The following FBLN1 variants were observed in gnomAD, a reference collection of about 807,000 sequenced individuals.
The protein encoded by FBLN1 is fibulin 1.
A neutral mutation model predicts 89.7 loss-of-function variants in FBLN1; 34 were observed. The observed-to-expected ratio is 0.38, with a 90% CI of 0.29 to 0.50. FBLN1 has a LOEUF of 0.50. Ranked by LOEUF, FBLN1 falls within the 20% of genes least tolerant of loss-of-function variation. The probability of loss-of-function intolerance (pLI) is 0.92; values close to 1 mark genes in which losing one functional copy is unlikely to be tolerated. For missense variants in FBLN1, 777 were observed against 988.1 expected, an observed-to-expected ratio of 0.79 and a Z score of 2.86; for synonymous variants, 393 against 391.3, an observed-to-expected ratio of 1.00 and a Z score of -0.05.
rs889704252 is a variant in FBLN1, at chr22:45,562,679, G to A, written c.1698-11832G>A. On this transcript the variant is annotated intron_variant, in intron 14 of 16. Coordinates refer to ENST00000327858, the MANE Select transcript of FBLN1 (RefSeq NM_006486.3). The surrounding 1 kb of genome is among the most constrained non-coding windows in gnomAD (Gnocchi z 7.8). ...ACTCCGGGCACAGCCTTTGGCCCCC[G>A]GCCACCCAGCGCCCGAGATGGTGTT... 2.0e-5 allele frequency among the ~76,000 whole-genome samples: 3 copies of A among 152,238 alleles called. No homozygotes were observed. Among genetic ancestry groups the A allele is most frequent in the Middle Eastern group, 3.2e-3 (1 of 316 alleles).
intron 2 of FBLN1, among the ~76,000 whole-genome samples, chr22:45,521,592 AC>A (rs1454985129): frequency 1.3e-5 from 2 of 152,170 alleles, no homozygotes; most frequent in African/African-American, 4.8e-5. Flanking sequence ...TCCAAACCCC[AC>A]GCAGCCTGTG....
rs1323849203 is a variant in FBLN1, at chr22:45,583,106, G to A, written c.1972+5998G>A. Among the ~76,000 whole-genome samples, 4 of 152,136 alleles carry A rather than the reference G, an allele frequency of 2.6e-5. No homozygotes were observed. The highest frequency in any genetic ancestry group is 5.9e-5 in the Non-Finnish European group (4 of 68,024). On this transcript the variant is annotated intron_variant, in intron 16 of 16. Transcript: ENST00000327858. The surrounding 1 kb of genome is among the most constrained non-coding windows in gnomAD (Gnocchi z 4.5). The stretch of plus-strand genomic sequence containing the variant: ...TTGTGGGACAGCCACCCTGGGGCTG[G>A]TATCACCATTTATGTAAGAAAAAAA...
chr22:45,567,026 G>A (rs2088906509), intron 14 of FBLN1, among the ~76,000 whole-genome samples: 1 of 152,222 alleles, frequency 6.6e-6, no homozygotes, highest in African/African-American at 2.4e-5. Context: ...CCACAGTGAG[G>A]ACAGGGAGGC....
chr22:45,595,925 A>C (rs547183023), intron 16 of FBLN1, among the ~76,000 whole-genome samples: 7 of 152,336 alleles, frequency 4.6e-5, no homozygotes, highest in African/African-American at 1.7e-4. Flanking sequence ...GCTAGAGTGC[A>C]ATGGCGCGAT....
At position 45,557,535 on chromosome 22, in the gene FBLN1, C is replaced by T. The variant is rs896156585; in HGVS notation, c.1697+6920C>T. Among the ~76,000 whole-genome samples, 1 of 152,156 alleles carries T rather than the reference C, an allele frequency of 6.6e-6. No homozygotes were observed. The highest frequency in any genetic ancestry group is 1.5e-5 in the Non-Finnish European group (1 of 68,034). ...ATGTTGCTGAGCCCATGTGTAACCT[C>T]CATCCCTGCCACCATGGCCACTTTG... On this transcript the variant is annotated intron_variant, in intron 14 of 16. Coordinates refer to ENST00000327858, the MANE Select transcript of FBLN1 (RefSeq NM_006486.3). This position sits in a 1 kb window ranked among gnomAD's most constrained non-coding sequence, Gnocchi z 4.9.
chr22:45,563,341 T>TAGC lies in FBLN1; in HGVS notation c.1698-11168_1698-11166dup, dbSNP rs1324612563. ...GCCCTCCGGGGCGTTAATAAAGTCTTAGCAAGCGTCCCACACAGTGAGCCT... is the reference window on the plus strand; with the variant it reads ...GCCCTCCGGGGCGTTAATAAAGTCTTAGCAGCAAGCGTCCCACACAGTGAGCCT... On this transcript the variant is annotated intron_variant, in intron 14 of 16. Coordinates refer to ENST00000327858, the MANE Select transcript of FBLN1 (RefSeq NM_006486.3). This position sits in a 1 kb window ranked among gnomAD's most constrained non-coding sequence, Gnocchi z 5.7. The TAGC allele has an allele frequency of 3.1e-6, 5 of 1,604,046 alleles. No individual in the cohort carries two copies. Among genetic ancestry groups the TAGC allele is most frequent in the Non-Finnish European group, 4.2e-6 (5 of 1,178,064 alleles).
chr22:45,514,658 A>T (rs1035436020), intron 1 of FBLN1, among the ~76,000 whole-genome samples: 4 of 152,188 alleles, frequency 2.6e-5, no homozygotes, highest in African/African-American at 9.7e-5. Context: ...CAGCCTTTGC[A>T]TGTCAAGAGT....
Position 45,502,995 on chromosome 22 carries a change from G to A in FBLN1, c.10G>A (p.Ala4Thr). Residue 4 changes from alanine (A) to threonine (T), a missense_variant, in exon 1 of 17, where the codon GCC becomes ACC. Transcript: ENST00000327858. ...CCGTCGCCCGCCGCCCATGGAGCGC[G>A]CCGCGCCGTCGCGCCGGGTCCCGCT... MERAAPSRRVPLPL... is the reference protein window; with the variant it reads MERTAPSRRVPLPL... The A allele has an allele frequency of 8.2e-7, 1 of 1,220,494 alleles. No homozygotes were observed. The highest frequency in any genetic ancestry group is 1.0e-6 in the Non-Finnish European group (1 of 980,626). 75.6% of individuals were successfully genotyped at this position (1,220,494 alleles called of 1,614,324 possible).
chr22:45,549,595 C>G lies in FBLN1; in HGVS notation c.1573+851C>G, dbSNP rs992404349. Among the ~76,000 whole-genome samples the G allele has an allele frequency of 2.6e-5, 4 of 152,228 alleles. No individual in the cohort carries two copies. The highest frequency in any genetic ancestry group is 5.9e-5 in the Non-Finnish European group (4 of 68,040). ...GCAAATGACTTTTCTCCTGGCCAGG[C>G]TCCCTCACCACAGCCTGGGGTCCCG... On this transcript the variant is annotated intron_variant, in intron 13 of 16. Transcript: ENST00000327858. This position sits in a 1 kb window ranked among gnomAD's most constrained non-coding sequence, Gnocchi z 5.7.
At chr22:45,505,492 G>T (rs2088006951) in intron 1 of FBLN1, among the ~76,000 whole-genome samples, 1 of 152,218 alleles carries the variant, frequency 6.6e-6, no homozygotes, top group Non-Finnish European at 1.5e-5. Flanking sequence ...CCCGCTCCTG[G>T]CCCTGCTGAG....
At position 45,536,129 on chromosome 22, in the gene FBLN1, G is replaced by A. The variant is rs6006772; in HGVS notation, c.922+792G>A. Among the ~76,000 whole-genome samples the A allele has an allele frequency of 0.082, 12,427 of 152,222 alleles. 579 individuals carry two copies. Among genetic ancestry groups the A allele is most frequent in the South Asian group, 0.16 (785 of 4,818 alleles). ...GTCGAGGCTGCAGTGAGCTGTGATCGTGCTACTGCACTCCAGTCTGGGCAA... is the reference window on the plus strand; with the variant it reads ...GTCGAGGCTGCAGTGAGCTGTGATCATGCTACTGCACTCCAGTCTGGGCAA... On this transcript the variant is annotated intron_variant, in intron 8 of 16. Coordinates refer to ENST00000327858, the MANE Select transcript of FBLN1 (RefSeq NM_006486.3). The surrounding 1 kb of genome is among the most constrained non-coding windows in gnomAD (Gnocchi z 5.1).
At chr22:45,548,998 G>C (rs1007147213) in intron 13 of FBLN1, among the ~76,000 whole-genome samples, 1 of 152,298 alleles carries the variant, frequency 6.6e-6, no homozygotes, top group Non-Finnish European at 1.5e-5. Flanking sequence ...CATCCGGCAG[G>C]AACACTTCAG....
chr22:45,595,410 G>C (rs1003662677), intron 16 of FBLN1, among the ~76,000 whole-genome samples: 8 of 152,154 alleles, frequency 5.3e-5, no homozygotes, highest in Non-Finnish European at 1.5e-5. Context: ...AACTTTTCTT[G>C]TTAAATGCAA....
Position 45,580,627 on chromosome 22 carries a change from G to T in FBLN1, c.1972+3519G>T, listed in dbSNP as rs1459090340. On this transcript the variant is annotated intron_variant, in intron 16 of 16. Transcript: ENST00000327858. This position sits in a 1 kb window ranked among gnomAD's most constrained non-coding sequence, Gnocchi z 8.6. Reference sequence around the variant, plus strand: ...CCACTCAGAGCTGGGGCCAGAGCGGGCCTGGAGCCCGGTCTTCCCCAGACA... The same window carrying T: ...CCACTCAGAGCTGGGGCCAGAGCGGTCCTGGAGCCCGGTCTTCCCCAGACA... Among the ~76,000 whole-genome samples the T allele has an allele frequency of 6.6e-6, 1 of 152,244 alleles. No homozygotes were observed. Among genetic ancestry groups the T allele is most frequent in the African/African-American group, 2.4e-5 (1 of 41,466 alleles).
chr22:45,523,111 T>C (rs758103535), intron 2 of FBLN1: 1 of 774,258 alleles, frequency 1.3e-6, no homozygotes, highest in South Asian at 1.4e-5. Flanking sequence ...TTGGCCTCAC[T>C]GTGCCAGGAC....
At chr22:45,508,548 A>C (rs956102166) in intron 1 of FBLN1, among the ~76,000 whole-genome samples, 6 of 152,250 alleles carry the variant, frequency 3.9e-5, no homozygotes, top group African/African-American at 1.4e-4. Context: ...GGCGTGAGCC[A>C]CCGCGCCCAG....
intron 4 of FBLN1, among the ~76,000 whole-genome samples, chr22:45,529,066 T>A (rs2238813): frequency 0.15 from 23,527 of 152,152 alleles, 2,384 homozygotes; most frequent in African/African-American, 0.29. Flanking sequence ...TCTGCCCTTG[T>A]CCCTTCAGCT....
At chr22:45,584,836 G>A (rs916473298) in intron 16 of FBLN1, among the ~76,000 whole-genome samples, 1 of 152,230 alleles carries the variant, frequency 6.6e-6, no homozygotes, top group Non-Finnish European at 1.5e-5. Flanking sequence ...CAGATCTCGC[G>A]GCCTGGGCTG....
intron 1 of FBLN1, among the ~76,000 whole-genome samples, chr22:45,507,981 G>A (rs1027660478): frequency 9.9e-5 from 15 of 152,272 alleles, no homozygotes; most frequent in African/African-American, 3.6e-4. Flanking sequence ...CGTGTGATAG[G>A]TTGAGGATGG....
Sources: allele counts gnomAD v4.1 joint callset (sites outside exome capture counted in the v4.1 genomes callset), GRCh38; gene constraint gnomAD v4.1.1; non-coding constraint Gnocchi (gnomAD v3.1); transcripts MANE v1.5; gene names NCBI Gene and HGNC (gene_info 2026-07-23, HGNC 2026-07-21).